EBF2: variants seen among roughly 807,000 people sequenced by gnomAD.
EBF2 encodes the protein EBF transcription factor 2.
Under a neutral mutation model 72.8 loss-of-function variants are expected in EBF2, and 21 were observed. The observed-to-expected ratio is 0.29, with a 90% CI of 0.20 to 0.42. EBF2 has a LOEUF of 0.42. EBF2 is among the 10% of genes least tolerant of loss of function. The probability of loss-of-function intolerance (pLI) is 1.00; values close to 1 mark genes in which losing one functional copy is unlikely to be tolerated. For synonymous variants in EBF2, 299 were observed against 274.2 expected (o/e 1.09, Z -0.89); for missense variants, 637 against 731.2 (o/e 0.87, Z 1.49).
At chr8:25,990,631 T>C (rs1259833717) in intron 6 of EBF2, among the ~76,000 whole-genome samples, 2 of 152,168 alleles carry the variant, frequency 1.3e-5, no homozygotes, top group African/African-American at 2.4e-5. Context: ...CCTGGAAATA[T>C]TAAATTGACT....
chr8:25,986,984 TG>T (rs1322025921), intron 6 of EBF2, among the ~76,000 whole-genome samples: 3 of 152,194 alleles, frequency 2.0e-5, no homozygotes, highest in Non-Finnish European at 4.4e-5. Context: ...GACACTTTTC[TG>T]TAACCCATGA....
intron 6 of EBF2, among the ~76,000 whole-genome samples, chr8:26,011,109 G>A (rs979821841): frequency 2.0e-5 from 3 of 152,126 alleles, no homozygotes; most frequent in Non-Finnish European, 4.4e-5. Flanking sequence ...GATCAGCTTA[G>A]CACTTTATGG....
chr8:26,017,697 A>T (rs1186841632), intron 6 of EBF2, among the ~76,000 whole-genome samples: 2 of 152,208 alleles, frequency 1.3e-5, no homozygotes, highest in East Asian at 3.8e-4. Context: ...GCAAGACTCA[A>T]GTTCCAAGTA....
At chr8:26,005,579 G>GAGAGAGAGAGA (rs71216409) in intron 6 of EBF2, among the ~76,000 whole-genome samples, 93 of 63,714 alleles carry the variant, frequency 1.5e-3, no homozygotes, top group South Asian at 1.9e-3. Flanking sequence ...GAGAGAGAGA[G>GAGAGAGAGAGA]GTATTTTGGG....
At chr8:25,859,327 A>G (rs1048543786) in intron 13 of EBF2, among the ~76,000 whole-genome samples, 1 of 152,220 alleles carries the variant, frequency 6.6e-6, no homozygotes, top group Non-Finnish European at 1.5e-5. Flanking sequence ...GGGGAACGGT[A>G]TCTTCACCTC....
intron 7 of EBF2, among the ~76,000 whole-genome samples, chr8:25,904,619 G>T (rs1327433135): frequency 3.9e-5 from 6 of 152,070 alleles, no homozygotes; most frequent in African/African-American, 1.4e-4. Flanking sequence ...GATTGTCTTT[G>T]TCCTTCTGAG....
Position 25,891,467 on chromosome 8 carries a change from C to A in EBF2, c.634-1598G>T, listed in dbSNP as rs184966856. 5.3e-5 allele frequency among the ~76,000 whole-genome samples: 8 copies of A among 152,170 alleles called. No individual in the cohort carries two copies. In the East Asian group the frequency reaches 1.5e-3, roughly 29 times the overall value. ...ACTAAATAGGTACAAAATGAAGAGT[C>A]GTGTTTAAAAATGACTCTTCCTGTC... On this transcript the variant is annotated intron_variant, in intron 7 of 15. Coordinates refer to ENST00000520164, the MANE Select transcript of EBF2 (RefSeq NM_022659.4).
At chr8:26,004,394 G>A (rs1804792080) in intron 6 of EBF2, among the ~76,000 whole-genome samples, 1 of 152,122 alleles carries the variant, frequency 6.6e-6, no homozygotes, top group Non-Finnish European at 1.5e-5. Context: ...GACTAAATAA[G>A]TCTGGCACAG....
At chr8:25,899,134 G>A (rs1802905637) in intron 7 of EBF2, among the ~76,000 whole-genome samples, 2 of 152,060 alleles carry the variant, frequency 1.3e-5, no homozygotes, top group African/African-American at 2.4e-5. Flanking sequence ...AGGGGTGGAG[G>A]CAGCAGAAGG....
At chr8:25,898,402 C>A (rs1451417387) in intron 7 of EBF2, among the ~76,000 whole-genome samples, 1 of 151,700 alleles carries the variant, frequency 6.6e-6, no homozygotes, top group Admixed American at 6.6e-5. Flanking sequence ...GAGTAAACAC[C>A]TTCTAGAGCT....
chr8:25,929,191 C>T (rs1007376868), intron 6 of EBF2, among the ~76,000 whole-genome samples: 3 of 152,158 alleles, frequency 2.0e-5, no homozygotes, highest in Non-Finnish European at 4.4e-5. Flanking sequence ...GAGATATTAT[C>T]GCATCAATAT....
At chr8:25,925,933 C>T (rs1241347195) in intron 6 of EBF2, among the ~76,000 whole-genome samples, 2 of 152,132 alleles carry the variant, frequency 1.3e-5, no homozygotes, top group Non-Finnish European at 2.9e-5. Flanking sequence ...AATTCACAGA[C>T]TCTGATTATA....
At chr8:26,013,996 C>T (rs1805068941) in intron 6 of EBF2, among the ~76,000 whole-genome samples, 1 of 152,164 alleles carries the variant, frequency 6.6e-6, no homozygotes, top group Admixed American at 6.5e-5. Context: ...CCAAAAGAGT[C>T]CAAAGCCCTC....
intron 6 of EBF2, among the ~76,000 whole-genome samples, chr8:25,923,041 C>A (rs1485738): frequency 0.53 from 81,049 of 151,896 alleles, 24,154 homozygotes; most frequent in East Asian, 0.74. Context: ...GGCCACAGAG[C>A]CTGTTCTGCT....
intron 8 of EBF2, among the ~76,000 whole-genome samples, 185 bp from the exon 9 acceptor site, chr8:25,888,157 C>T (rs547244755): frequency 6.6e-6 from 1 of 152,220 alleles, no homozygotes; most frequent in South Asian, 2.1e-4. Flanking sequence ...TTGTGATATC[C>T]CCCACCACAG....
intron 6 of EBF2, among the ~76,000 whole-genome samples, chr8:25,967,561 C>A (rs1014365630): frequency 6.6e-6 from 1 of 152,146 alleles, no homozygotes; most frequent in African/African-American, 2.4e-5. Flanking sequence ...GAATACTGTA[C>A]TGAAAGTGAA....
intron 10 of EBF2, among the ~76,000 whole-genome samples, chr8:25,882,219 C>G (rs1802615097): frequency 6.6e-6 from 1 of 152,184 alleles, no homozygotes; most frequent in Admixed American, 6.5e-5. Context: ...CACAGCCTGC[C>G]CGTCTGCATG....
chr8:25,988,699 G>C (rs910999566), intron 6 of EBF2, among the ~76,000 whole-genome samples: 1 of 152,152 alleles, frequency 6.6e-6, no homozygotes, highest in African/African-American at 2.4e-5. Context: ...TTTACATTTT[G>C]CATAATATTT....
At chr8:25,852,904 A>C (rs1802011897) in intron 14 of EBF2, among the ~76,000 whole-genome samples, 1 of 152,226 alleles carries the variant, frequency 6.6e-6, no homozygotes, top group African/African-American at 2.4e-5. Flanking sequence ...TTAAGTAGTA[A>C]GAAGGCACTT....
Sources: gnomAD v4.1 joint callset for allele counts (sites outside exome capture counted in the v4.1 genomes callset) on GRCh38, gnomAD v4.1.1 for gene constraint, MANE v1.5 for transcripts, NCBI Gene and HGNC (gene_info 2026-07-23, HGNC 2026-07-21) for gene names.